MLLT10: variants seen among roughly 807,000 people sequenced by gnomAD.
The protein encoded by MLLT10 is protein AF-10.
A neutral mutation model predicts 129.1 loss-of-function variants in MLLT10; 30 were observed. The observed-to-expected ratio is 0.23, with a 90% confidence interval of 0.17 to 0.32. The LOEUF (loss-of-function observed/expected upper bound fraction) is 0.32. MLLT10 is among the 10% of genes least tolerant of loss of function. The pLI is 1.00. For missense variants in MLLT10, 1,119 were observed against 1,268.3 expected (o/e 0.88, Z 1.79); for synonymous variants, 490 against 446.4 (o/e 1.10, Z -1.23).
Position 21,545,751 on chromosome 10 carries a change from C to T in MLLT10, c.240+6839C>T, listed in dbSNP as rs7077377. Among the ~76,000 whole-genome samples the T allele has an allele frequency of 8.9e-3, 1,361 of 152,292 alleles. 16 individuals carry two copies. Among genetic ancestry groups the T allele is most frequent in the African/African-American group, 0.031 (1,279 of 41,546 alleles). On this transcript the variant is annotated intron_variant, in intron 3 of 22. Coordinates refer to ENST00000307729, the MANE Select transcript of MLLT10 (RefSeq NM_001195626.3). ...GTGCGATTTTAGTTGACTGCAACAT[C>T]GAACTCTGGGGCTCAAGGAATCCTC...
At chr10:21,605,908 A>G (rs190306129) in intron 5 of MLLT10, among the ~76,000 whole-genome samples, 139 of 152,006 alleles carry the variant, frequency 9.1e-4, no homozygotes, top group African/African-American at 3.2e-3. Flanking sequence ...ATTGTACTTC[A>G]CAGGAAATTG....
chr10:21,543,957 C>T (rs1437729741), intron 3 of MLLT10, among the ~76,000 whole-genome samples: 8 of 152,176 alleles, frequency 5.3e-5, no homozygotes, highest in Admixed American at 5.2e-4. Flanking sequence ...TGCCTGCTTC[C>T]ATTCTTTTCT....
chr10:21,635,163 A>G (rs1283709974), intron 8 of MLLT10, among the ~76,000 whole-genome samples: 2 of 152,098 alleles, frequency 1.3e-5, no homozygotes, highest in Non-Finnish European at 2.9e-5. Context: ...GCGTTTCTCA[A>G]ATTGGCTCTC....
Position 21,742,429 on chromosome 10 carries a change from T to TA in MLLT10, c.*448dup. The TA allele has an allele frequency of 9.1e-6, 2 of 220,126 alleles. No individual in the cohort carries two copies. Among genetic ancestry groups the TA allele is most frequent in the East Asian group, 6.8e-5 (1 of 14,728 alleles). 13.6% of individuals were successfully genotyped at this position (220,126 alleles called of 1,614,324 possible). A position where few individuals can be genotyped will look rare whatever the true frequency, so the allele number is the denominator to read the frequency against. ...TGTTTGGGTTACAGTATGCTTGCTCTAAGTCAAATTCCAAGGAACTAATTT... is the reference window on the plus strand; with the variant it reads ...TGTTTGGGTTACAGTATGCTTGCTCTAAAGTCAAATTCCAAGGAACTAATTT... On this transcript the variant is annotated 3_prime_UTR_variant, in exon 23 of 23. Coordinates refer to ENST00000307729, the MANE Select transcript of MLLT10 (RefSeq NM_001195626.3).
intron 14 of MLLT10, among the ~76,000 whole-genome samples, chr10:21,725,412 TTC>T (rs2057411932): frequency 6.9e-6 from 1 of 144,904 alleles, no homozygotes; most frequent in Non-Finnish European, 1.6e-5. Flanking sequence ...GTGCCAGTTC[TTC>T]TTTTTTAAAA....
chr10:21,624,511 TAAAC>T (rs1564529271), intron 8 of MLLT10: 3 of 863,404 alleles, frequency 3.5e-6, no homozygotes, highest in East Asian at 2.8e-5. Flanking sequence ...ATGAAACAGT[TAAAC>T]AAAATTTTTT....
intron 9 of MLLT10, among the ~76,000 whole-genome samples, chr10:21,655,322 G>A (rs1007851302): frequency 1.3e-5 from 2 of 152,142 alleles, no homozygotes; most frequent in Non-Finnish European, 2.9e-5. Context: ...TCTGTCAGGG[G>A]CTGAATACTA....
intron 3 of MLLT10, among the ~76,000 whole-genome samples, chr10:21,563,505 A>C (rs1042547399): frequency 6.6e-6 from 1 of 152,112 alleles, no homozygotes; most frequent in African/African-American, 2.4e-5. Context: ...CCTGGGCGAC[A>C]GAGTGAGACT....
At chr10:21,733,420 T>G (rs2058110328) in intron 18 of MLLT10, 84 bp from the exon 19 acceptor site, 2 of 872,502 alleles carry the variant, frequency 2.3e-6, no homozygotes, top group Non-Finnish European at 3.3e-6. Context: ...GGCTTCAGCA[T>G]AAGCTTTTTA....
chr10:21,562,798 A>G (rs181512921), intron 3 of MLLT10, among the ~76,000 whole-genome samples: 1 of 143,230 alleles, frequency 7.0e-6, no homozygotes, highest in Admixed American at 7.0e-5. Flanking sequence ...TTGCTGACTT[A>G]CATATACTTT....
intron 2 of MLLT10, among the ~76,000 whole-genome samples, 163 bp from the exon 3 acceptor site, chr10:21,538,670 T>G (rs2034538686): frequency 6.6e-6 from 1 of 152,198 alleles, no homozygotes; most frequent in Admixed American, 6.5e-5. Flanking sequence ...GTTAATTAAG[T>G]AAGCTGTATA....
intron 3 of MLLT10, among the ~76,000 whole-genome samples, chr10:21,582,586 G>A (rs1336589668): frequency 1.3e-5 from 2 of 152,254 alleles, no homozygotes; most frequent in Admixed American, 6.5e-5. Flanking sequence ...GATAACTGGG[G>A]GACTACTGCA....
intron 13 of MLLT10, among the ~76,000 whole-genome samples, chr10:21,702,010 T>C (rs1351673370): frequency 2.0e-5 from 3 of 152,002 alleles, no homozygotes; most frequent in African/African-American, 7.3e-5. Flanking sequence ...CATGGCAACC[T>C]CCACTTCCCA....
intron 3 of MLLT10, chr10:21,564,350 A>T (rs951516517): frequency 5.3e-5 from 8 of 152,158 alleles, no homozygotes; most frequent in Non-Finnish European, 1.5e-5. Flanking sequence ...CTGGTCTCCT[A>T]AAGTGCTGGG....
At chr10:21,676,980 G>A (rs1460530545) in intron 11 of MLLT10, among the ~76,000 whole-genome samples, 1 of 152,146 alleles carries the variant, frequency 6.6e-6, no homozygotes, top group Non-Finnish European at 1.5e-5. Flanking sequence ...AACTGCTGAT[G>A]AACACTTAGT....
At chr10:21,602,353 T>C (rs1042502509) in intron 5 of MLLT10, among the ~76,000 whole-genome samples, 37 of 150,652 alleles carry the variant, frequency 2.5e-4, no homozygotes, top group African/African-American at 9.3e-4. Flanking sequence ...GTCAAATTTA[T>C]TTATTTTTTT....
In MLLT10 at chr10:21,706,826, C is replaced by G. The variant is rs184893990; in HGVS notation, c.1700-6946C>G. ...TGGCGTCTACTCATACTGTATTCTT[C>G]TCCTGAGATCACTGTTTGTCTCCAT... On this transcript the variant is annotated intron_variant, in intron 13 of 22. Transcript: ENST00000307729. Among the ~76,000 whole-genome samples, 310 of 152,290 alleles carry G rather than the reference C, an allele frequency of 2.0e-3. 1 individual carries two copies. The highest frequency in any genetic ancestry group is 6.8e-3 in the Middle Eastern group (2 of 294).
intron 5 of MLLT10, among the ~76,000 whole-genome samples, chr10:21,603,219 A>C (rs563756207): frequency 7.8e-6 from 1 of 128,658 alleles, no homozygotes; most frequent in South Asian, 2.5e-4. Context: ...TGCTCGGCTA[A>C]TTTTTTTTTT....
chr10:21,717,843 C>CCTCCTCCTT (rs2056833171), intron 14 of MLLT10, among the ~76,000 whole-genome samples: 6 of 132,722 alleles, frequency 4.5e-5, no homozygotes, highest in African/African-American at 1.2e-4. Context: ...TCCTCCTTCT[C>CCTCCTCCTT]CTCCTCCTTC....
Sources: gnomAD v4.1 joint callset for allele counts (sites outside exome capture counted in the v4.1 genomes callset) on GRCh38, gnomAD v4.1.1 for gene constraint, MANE v1.5 for transcripts, NCBI Gene and HGNC (gene_info 2026-07-23, HGNC 2026-07-21) for gene names.